The following WDFY2 variants were observed in gnomAD, a reference collection of about 807,000 sequenced individuals.
WDFY2 encodes WD repeat and FYVE domain containing 2, also known as WD repeat and FYVE domain-containing protein 2.
WDFY2 carries 36 observed loss-of-function variants against 56.4 expected under a neutral mutation model. The ratio of observed to expected loss-of-function variants is 0.64; its 90% CI spans 0.49 to 0.84. WDFY2 has a LOEUF of 0.84. WDFY2 is among the 40% of genes least tolerant of loss of function. The pLI, the probability that WDFY2 is intolerant of heterozygous loss-of-function variation, is 0.00. For missense variants in WDFY2, 444 were observed against 512.2 expected, an observed-to-expected ratio of 0.87 and a Z score of 1.29; for synonymous variants, 176 against 183.7, an observed-to-expected ratio of 0.96 and a Z score of 0.34.
chr13:51,735,219 T>G (rs1952809294), intron 6 of WDFY2, among the ~76,000 whole-genome samples: 1 of 152,240 alleles, frequency 6.6e-6, no homozygotes, highest in Non-Finnish European at 1.5e-5. Flanking sequence ...CTCTTGCTTA[T>G]TGTCCTCCTA....
intron 4 of WDFY2, 26 bp from the exon 5 acceptor site, chr13:51,719,172 T>C (rs1952432079): frequency 6.2e-7 from 1 of 1,613,798 alleles, no homozygotes; most frequent in Non-Finnish European, 8.5e-7. Flanking sequence ...GCTTTATAGG[T>C]TGTTTTCTTT....
intron 1 of WDFY2, among the ~76,000 whole-genome samples, chr13:51,609,579 CAAAA>C (rs1214659773): frequency 2.9e-5 from 4 of 137,836 alleles, no homozygotes; most frequent in East Asian, 2.1e-4. Flanking sequence ...ACAAAACAAA[CAAAA>C]AAACAATAAA....
At chr13:51,648,927 G>A (rs1325843687) in intron 1 of WDFY2, among the ~76,000 whole-genome samples, 1 of 152,066 alleles carries the variant, frequency 6.6e-6, no homozygotes, top group African/African-American at 2.4e-5. Context: ...CAGGTGGATC[G>A]CTTGAGGTCA....
In WDFY2 at chr13:51,660,464, T is replaced by A. The variant is rs201593028; in HGVS notation, c.138-132T>A. On this transcript the variant is annotated intron_variant, in intron 1 of 11. Coordinates refer to ENST00000298125, the MANE Select transcript of WDFY2 (RefSeq NM_052950.4). ...ATACGCCTACCTCGGCCTCTCAAAG[T>A]GCTGGGACAGGCTTGAGCCACCGCG... 87 of 666,416 alleles carry A rather than the reference T, an allele frequency of 1.3e-4. No homozygotes were observed. In the East Asian group the frequency reaches 2.9e-3, roughly 22 times the overall value. The allele number at this position is 666,416 out of a possible 1,614,324, so 41.3% of individuals were successfully genotyped here.
chr13:51,674,401 G>C (rs1238322802), intron 2 of WDFY2, among the ~76,000 whole-genome samples: 2 of 152,126 alleles, frequency 1.3e-5, no homozygotes, highest in Non-Finnish European at 2.9e-5. Flanking sequence ...GGAGCTGACT[G>C]TTTAGTAAGC....
intron 1 of WDFY2, among the ~76,000 whole-genome samples, chr13:51,629,772 C>T: frequency 6.7e-6 from 1 of 149,982 alleles, no homozygotes. Flanking sequence ...TTGTTTTCTT[C>T]AGTAACGGTT....
intron 4 of WDFY2, among the ~76,000 whole-genome samples, chr13:51,713,017 C>G (rs1338043435): frequency 2.0e-5 from 3 of 152,164 alleles, no homozygotes; most frequent in Non-Finnish European, 4.4e-5. Context: ...TCCAGGCCCA[C>G]ATGCCTTTAC....
Position 51,751,291 on chromosome 13 carries a change from C to T in WDFY2, c.726-19C>T. 1.9e-6 allele frequency: 3 copies of T among 1,609,488 alleles called. No homozygotes were observed. The highest frequency in any genetic ancestry group is 2.5e-6 in the Non-Finnish European group (3 of 1,178,002). Reference sequence around the variant, plus strand: ...ATTTGTTCTCCTAAACTGTCAATAACCCTTGGTTTCTTTCACAGCGACAGA... The same window carrying T: ...ATTTGTTCTCCTAAACTGTCAATAATCCTTGGTTTCTTTCACAGCGACAGA... On this transcript the variant is annotated intron_variant, in intron 7 of 11. Coordinates refer to ENST00000298125, the MANE Select transcript of WDFY2 (RefSeq NM_052950.4).
At chr13:51,641,150 G>A (rs943419123) in intron 1 of WDFY2, among the ~76,000 whole-genome samples, 4 of 151,802 alleles carry the variant, frequency 2.6e-5, no homozygotes, top group Non-Finnish European at 5.9e-5. Flanking sequence ...TCGGCTCACT[G>A]CAACCTCCGC....
intron 1 of WDFY2, among the ~76,000 whole-genome samples, chr13:51,615,990 T>C (rs554557994): frequency 1.6e-4 from 25 of 152,308 alleles, no homozygotes; most frequent in Admixed American, 1.6e-3. Context: ...TTGCCTGTAA[T>C]CCCAGCTCTT....
intron 4 of WDFY2, among the ~76,000 whole-genome samples, chr13:51,715,189 T>G (rs1364195131): frequency 6.6e-6 from 1 of 152,184 alleles, no homozygotes; most frequent in Non-Finnish European, 1.5e-5. Context: ...CTTAGGCTAT[T>G]AAAAATATTT....
Position 51,672,296 on chromosome 13 carries a change from G to A in WDFY2, c.206-2874G>A, listed in dbSNP as rs183558324. Among the ~76,000 whole-genome samples, 22 of 152,226 alleles carry A rather than the reference G, an allele frequency of 1.4e-4. No homozygotes were observed. The East Asian group carries it at 2.5e-3, about 17-fold the overall frequency. On this transcript the variant is annotated intron_variant, in intron 2 of 11. Coordinates refer to ENST00000298125, the MANE Select transcript of WDFY2 (RefSeq NM_052950.4). ...GCCAATTATCCCAGCGCTGTTTGTC[G>A]AATAGGGTGTCCTTTTTCCACTTTA...
chr13:51,692,102 A>C (rs1243811177), intron 3 of WDFY2, among the ~76,000 whole-genome samples: 1 of 152,174 alleles, frequency 6.6e-6, no homozygotes, highest in Non-Finnish European at 1.5e-5. Flanking sequence ...GGCTGAGACA[A>C]TGGGGTTTTC....
chr13:51,670,005 C>A (rs959392009), intron 2 of WDFY2, among the ~76,000 whole-genome samples: 1 of 152,244 alleles, frequency 6.6e-6, no homozygotes, highest in East Asian at 1.9e-4. Flanking sequence ...CTTCACTCAC[C>A]CTTTGGAGAA....
chr13:51,751,198 A>G, intron 7 of WDFY2, 112 bp from the exon 8 acceptor site: 1 of 908,628 alleles, frequency 1.1e-6, no homozygotes, highest in East Asian at 2.8e-5. Flanking sequence ...TCTAAGATCT[A>G]CACTGGGGGC....
chr13:51,603,181 C>T (rs1276691001), intron 1 of WDFY2, among the ~76,000 whole-genome samples: 2 of 152,178 alleles, frequency 1.3e-5, no homozygotes, highest in Non-Finnish European at 2.9e-5. Flanking sequence ...CTTTAAGAAC[C>T]ACCAGGAATC....
intron 1 of WDFY2, chr13:51,590,082 C>T (rs1954015810): frequency 6.6e-6 from 1 of 152,146 alleles, no homozygotes; most frequent in Admixed American, 6.5e-5. Flanking sequence ...CCTGACAGTT[C>T]TGAATTTCCT....
At chr13:51,696,816 A>C (rs1470925629) in intron 3 of WDFY2, among the ~76,000 whole-genome samples, 1 of 152,222 alleles carries the variant, frequency 6.6e-6, no homozygotes, top group Non-Finnish European at 1.5e-5. Flanking sequence ...GGAAGTCATA[A>C]ACGAAAATAT....
At chr13:51,742,446 A>G (rs922404241) in intron 7 of WDFY2, among the ~76,000 whole-genome samples, 3 of 152,162 alleles carry the variant, frequency 2.0e-5, no homozygotes, top group Admixed American at 1.3e-4. Flanking sequence ...GGCAAAAAAA[A>G]AAAGGTTCCA....
Sources: gnomAD v4.1 joint callset for allele counts (sites outside exome capture counted in the v4.1 genomes callset) on GRCh38, gnomAD v4.1.1 for gene constraint, MANE v1.5 for transcripts, NCBI Gene and HGNC (gene_info 2026-07-23, HGNC 2026-07-21) for gene names.